Variants in DDAH1 observed in about 807,000 individuals in gnomAD.
DDAH1 encodes the protein N(G),N(G)-dimethylarginine dimethylaminohydrolase 1.
DDAH1 carries 19 observed loss-of-function variants against 28.8 expected under a neutral mutation model. The observed-to-expected ratio is 0.66, with a 90% CI of 0.46 to 0.97. The LOEUF (loss-of-function observed/expected upper bound fraction) is 0.97. Among genes scored for constraint, DDAH1 ranks in the 50% least tolerant of loss-of-function variants. The probability of loss-of-function intolerance (pLI) is 0.00; values close to 1 mark genes in which losing one functional copy is unlikely to be tolerated. For synonymous variants in DDAH1, 153 were observed against 154.4 expected, an observed-to-expected ratio of 0.99 and a Z score of 0.07; for missense variants, 326 against 375.9, an observed-to-expected ratio of 0.87 and a Z score of 1.10.
At chr1:85,427,271 T>A (rs1383805178) in intron 1 of DDAH1, among the ~76,000 whole-genome samples, 12 of 142,162 alleles carry the variant, frequency 8.4e-5, no homozygotes, top group South Asian at 2.3e-4. Context: ...CCAAGTGAGC[T>A]AAAAAAAAAA....
chr1:85,435,853 C>A (rs1653909705), intron 1 of DDAH1, among the ~76,000 whole-genome samples: 1 of 152,130 alleles, frequency 6.6e-6, no homozygotes, highest in South Asian at 2.1e-4. Context: ...TACAGTGGCA[C>A]AATCTCATCT....
At chr1:85,483,957 G>A (rs1464909832) in intron 2 of DDAH1, among the ~76,000 whole-genome samples, 2 of 152,176 alleles carry the variant, frequency 1.3e-5, no homozygotes, top group African/African-American at 2.4e-5. Flanking sequence ...TAAAGACATG[G>A]TGCCTAAGGG....
intron 1 of DDAH1, among the ~76,000 whole-genome samples, chr1:85,507,985 TTAA>T (rs1657084241): frequency 6.6e-6 from 1 of 152,234 alleles, no homozygotes; most frequent in African/African-American, 2.4e-5. Flanking sequence ...GCAAGAATAC[TTAA>T]TAAATGATTT....
intron 1 of DDAH1, among the ~76,000 whole-genome samples, chr1:85,554,316 T>G (rs2100798017): frequency 6.9e-6 from 1 of 144,572 alleles, no homozygotes; most frequent in South Asian, 2.3e-4. Flanking sequence ...AAAGCAGCTT[T>G]CTTTTACTGG....
At chr1:85,432,741 ACCTTC>A (rs1433109645) in intron 1 of DDAH1, among the ~76,000 whole-genome samples, 1 of 152,170 alleles carries the variant, frequency 6.6e-6, no homozygotes, top group East Asian at 1.9e-4. Context: ...TATCTACTTC[ACCTTC>A]CATTAGTTAA....
chr1:85,407,145 TCCA>T (rs1246780093), intron 1 of DDAH1, among the ~76,000 whole-genome samples: 1 of 152,210 alleles, frequency 6.6e-6, no homozygotes, highest in Non-Finnish European at 1.5e-5. Context: ...TAGAAAGGCC[TCCA>T]GCTGCACACA....
At chr1:85,473,641 G>A (rs1655696296) in intron 2 of DDAH1, among the ~76,000 whole-genome samples, 1 of 152,072 alleles carries the variant, frequency 6.6e-6, no homozygotes. Context: ...AACGCACAAT[G>A]GTTTTAACAT....
intron 4 of DDAH1, among the ~76,000 whole-genome samples, chr1:85,335,761 A>C (rs1648067357): frequency 6.6e-6 from 1 of 152,038 alleles, no homozygotes; most frequent in Admixed American, 6.6e-5. Context: ...CAGTAGTTCA[A>C]GACCAGCCTA....
intron 1 of DDAH1, among the ~76,000 whole-genome samples, chr1:85,500,161 TTC>T (rs796592932): frequency 0.049 from 3,261 of 66,018 alleles, 95 homozygotes; most frequent in African/African-American, 0.11. Context: ...CTTTCTTTCT[TTC>T]TCTTTTTTCC....
At position 85,464,361 on chromosome 1, in the gene DDAH1, C is replaced by T; in HGVS notation, c.303+382G>A. 1 of 736,438 alleles carries T rather than the reference C, an allele frequency of 1.4e-6. No homozygotes were observed. The highest frequency in any genetic ancestry group is 1.6e-5 in the South Asian group (1 of 61,688). The allele number at this position is 736,438 out of a possible 1,614,324, so 45.6% of individuals were successfully genotyped here. On this transcript the variant is annotated intron_variant, in intron 1 of 5. Transcript: ENST00000284031. This position sits in a 1 kb window ranked among gnomAD's most constrained non-coding sequence, Gnocchi z 4.4. ...GCTGCCCCCTGGAGGGACGCCCAGC[C>T]TCCACCCGCCCTACCGGAGCGGCAC...
At chr1:85,384,411 G>A (rs563068787) in intron 1 of DDAH1, among the ~76,000 whole-genome samples, 1 of 152,266 alleles carries the variant, frequency 6.6e-6, no homozygotes, top group South Asian at 2.1e-4. Context: ...AAGACCAGTA[G>A]GTTCTGTTCT....
chr1:85,436,340 TA>T (rs1223596024), intron 1 of DDAH1, among the ~76,000 whole-genome samples: 1 of 152,176 alleles, frequency 6.6e-6, no homozygotes, highest in Non-Finnish European at 1.5e-5. Flanking sequence ...CATTGATTAA[TA>T]TTTATCATAT....
chr1:85,453,752 C>G (rs929630868), intron 1 of DDAH1, among the ~76,000 whole-genome samples: 1 of 152,136 alleles, frequency 6.6e-6, no homozygotes, highest in Non-Finnish European at 1.5e-5. Flanking sequence ...GCAGAGAAAA[C>G]TAAATTTTCT....
At chr1:85,326,093 C>A (rs968690180) in intron 4 of DDAH1, among the ~76,000 whole-genome samples, 2 of 152,236 alleles carry the variant, frequency 1.3e-5, no homozygotes, top group Non-Finnish European at 2.9e-5. Context: ...AGAAGAGAGA[C>A]AGCATGCTTC....
At chr1:85,368,261 T>C (rs1258483828) in intron 1 of DDAH1, among the ~76,000 whole-genome samples, 1 of 152,170 alleles carries the variant, frequency 6.6e-6, no homozygotes, top group African/African-American at 2.4e-5. Flanking sequence ...TCTGAACCAG[T>C]GCTCAGATCC....
At chr1:85,528,830 T>G (rs1657979869) in intron 1 of DDAH1, among the ~76,000 whole-genome samples, 1 of 151,808 alleles carries the variant, frequency 6.6e-6, no homozygotes, top group African/African-American at 2.4e-5. Context: ...AAAAATTAGC[T>G]GGGCATGGTG....
intron 1 of DDAH1, among the ~76,000 whole-genome samples, chr1:85,566,703 T>C (rs1272415870): frequency 6.6e-6 from 1 of 152,116 alleles, no homozygotes; most frequent in Non-Finnish European, 1.5e-5. Context: ...TTACTAGGGA[T>C]AAAGAAATTG....
At chr1:85,557,066 G>A (rs533943847) in intron 1 of DDAH1, among the ~76,000 whole-genome samples, 3 of 152,216 alleles carry the variant, frequency 2.0e-5, no homozygotes, top group East Asian at 1.9e-4. Flanking sequence ...GCAGTGAGCC[G>A]AGATCATACC....
At chr1:85,371,665 GATCA>G (rs1413273355) in intron 1 of DDAH1, among the ~76,000 whole-genome samples, 2 of 152,280 alleles carry the variant, frequency 1.3e-5, no homozygotes, top group East Asian at 3.9e-4. Context: ...ACACATTTCA[GATCA>G]GTCAGTCCAA....
Sources: gnomAD v4.1 joint callset for allele counts (sites outside exome capture counted in the v4.1 genomes callset) on GRCh38, gnomAD v4.1.1 for gene constraint, Gnocchi (gnomAD v3.1) non-coding constraint, MANE v1.5 for transcripts, NCBI Gene and HGNC (gene_info 2026-07-23, HGNC 2026-07-21) for gene names.